The following KIAA1755 variants were observed in gnomAD, a reference collection of about 807,000 sequenced individuals.
KIAA1755 encodes KIAA1755, also known as uncharacterized protein KIAA1755.
KIAA1755 carries 68 observed loss-of-function variants against 91.7 expected under a neutral mutation model. That is an observed-to-expected ratio of 0.74 (90% CI 0.61 to 0.91). The LOEUF is 0.91. Ranked by LOEUF, KIAA1755 falls within the 40% of genes least tolerant of loss-of-function variation. The pLI is 0.00. For missense variants in KIAA1755, 1,535 were observed against 1,494.4 expected (o/e 1.03, Z -0.45); for synonymous variants, 610 against 604.6 (o/e 1.01, Z -0.13).
chr20:38,236,586 T>C (rs563903134), intron 4 of KIAA1755, among the ~76,000 whole-genome samples: 1 of 152,256 alleles, frequency 6.6e-6, no homozygotes, highest in South Asian at 2.1e-4. Flanking sequence ...GAAGATCTAA[T>C]GGCAAGTGAA....
At chr20:38,216,424 C>T (rs749333136) in intron 13 of KIAA1755, among the ~76,000 whole-genome samples, 1 of 152,184 alleles carries the variant, frequency 6.6e-6, no homozygotes, top group South Asian at 2.1e-4. Flanking sequence ...GTGGCCTGCA[C>T]GTGGGGCTGG....
intron 1 of KIAA1755, among the ~76,000 whole-genome samples, chr20:38,255,195 C>T (rs1037167641): frequency 1.3e-5 from 2 of 151,936 alleles, no homozygotes; most frequent in Non-Finnish European, 2.9e-5. Flanking sequence ...AAAAATCTGT[C>T]TCTTCCATCT....
Position 38,237,890 on chromosome 20 carries a change from G to A in KIAA1755, c.1747+1638C>T, listed in dbSNP as rs114963447. 6.4e-3 allele frequency among the ~76,000 whole-genome samples: 977 copies of A among 152,228 alleles called. 10 individuals carry two copies. The highest frequency in any genetic ancestry group is 0.023 in the African/African-American group (938 of 41,540). ...CTAGAGAAGAGCAGGACAAAAAACG[G>A]ACAGAAGGAGCACGCATGTGGACGT... On this transcript the variant is annotated intron_variant, in intron 4 of 13. Transcript: ENST00000279024.
chr20:38,260,284 A>G (rs566989236), intron 1 of KIAA1755: 737 of 1,549,296 alleles, frequency 4.8e-4, no homozygotes, highest in Non-Finnish European at 5.9e-4. Flanking sequence ...CCATACACAC[A>G]CATGGAGAAG....
intron 2 of KIAA1755, among the ~76,000 whole-genome samples, chr20:38,244,056 A>T (rs1392728726): frequency 6.6e-6 from 1 of 152,190 alleles, no homozygotes; most frequent in East Asian, 1.9e-4. Flanking sequence ...ATGACTTCCC[A>T]TTGCTCTGAG....
intron 3 of KIAA1755, 114 bp downstream of exon 3, chr20:38,240,468 C>T: frequency 9.1e-7 from 1 of 1,093,986 alleles, no homozygotes; most frequent in Non-Finnish European, 1.3e-6. Context: ...TATACTAAAC[C>T]CCTGAAGCTG....
In KIAA1755 at chr20:38,239,820, G is replaced by T. The variant is rs976044096; in HGVS notation, c.1550-95C>A. 5.3e-6 allele frequency: 6 copies of T among 1,125,478 alleles called. No individual in the cohort carries two copies. The African/African-American group carries it at 6.1e-5, about 11-fold the overall frequency. The allele number at this position is 1,125,478 out of a possible 1,614,324, so 69.7% of individuals were successfully genotyped here. ...CTCTTTCTCTTTCTGACTAATAATAGCTTACAACTATTGATCTCTCCCATG... is the reference window on the plus strand; with the variant it reads ...CTCTTTCTCTTTCTGACTAATAATATCTTACAACTATTGATCTCTCCCATG... On this transcript the variant is annotated intron_variant, in intron 3 of 13. Transcript: ENST00000279024.
At chr20:38,258,670 A>C (rs2076381546) in intron 1 of KIAA1755, among the ~76,000 whole-genome samples, 1 of 152,158 alleles carries the variant, frequency 6.6e-6, no homozygotes, top group South Asian at 2.1e-4. Flanking sequence ...TCCAAGCAGG[A>C]ACAGCATGTG....
chr20:38,217,367 G>A lies in KIAA1755; in HGVS notation c.2787C>T (p.Ala929=), dbSNP rs775298321. The A allele has an allele frequency of 2.5e-6, 4 of 1,613,420 alleles. No homozygotes were observed. The East Asian group carries it at 8.9e-5, about 36-fold the overall frequency. Reference sequence around the variant, plus strand: ...GGAAGGCCCGCTGGGTAGAGGCAAAGGCTGCCAGCTCTGGGAACTCTGCAC... The same window carrying A: ...GGAAGGCCCGCTGGGTAGAGGCAAAAGCTGCCAGCTCTGGGAACTCTGCAC... ...AERAEFPELA[A]FASTQRAFQA... The change falls in exon 13 of 14, where the codon GCC becomes GCT. Residue 929 remains alanine (A), a synonymous_variant. Coordinates refer to ENST00000279024, the MANE Select transcript of KIAA1755 (RefSeq NM_001029864.2).
Position 38,222,581 on chromosome 20 carries a change from A to G in KIAA1755, c.2285T>C (p.Leu762Pro). The G allele has an allele frequency of 6.2e-7, 1 of 1,612,700 alleles. No individual in the cohort carries two copies. Among genetic ancestry groups the G allele is most frequent in the Non-Finnish European group, 8.5e-7 (1 of 1,179,974 alleles). ...PGGMQEATRC[L>P]SKSKELMEAV... ...CTCCATCAGCTCCTTGGACTTGCTCAGGCACCTGGTAGCCTCCTGCCAGCG... is the reference window on the plus strand; with the variant it reads ...CTCCATCAGCTCCTTGGACTTGCTCGGGCACCTGGTAGCCTCCTGCCAGCG... The change falls in exon 10 of 14, where the codon CTG becomes CCG. Residue 762 changes from leucine (L) to proline (P), a missense_variant. Coordinates refer to ENST00000279024, the MANE Select transcript of KIAA1755 (RefSeq NM_001029864.2).
rs759702717 is a variant in KIAA1755, at chr20:38,213,448, G to C, written c.3197C>G (p.Ala1066Gly). The change falls in exon 14 of 14, where the codon GCG (alanine) becomes GGG (glycine). Residue 1066 changes from alanine (A) to glycine (G), a missense_variant. Transcript: ENST00000279024. ...TGCCACCCCTCTTCGTTCTGGGCGC[G>C]CTGAGTGAGCAGCTGGAGCCTCTGG... is the stretch of plus-strand genomic sequence containing the variant. ...SCPEAPAAHS[A>G]RPERRGVAAK... 1.2e-6 allele frequency: 2 copies of C among 1,602,800 alleles called. No homozygotes were observed. Among genetic ancestry groups the C allele is most frequent in the Non-Finnish European group, 1.7e-6 (2 of 1,174,648 alleles).
intron 1 of KIAA1755, among the ~76,000 whole-genome samples, chr20:38,252,891 G>C (rs543221196): frequency 5.6e-4 from 86 of 152,292 alleles, no homozygotes; most frequent in Non-Finnish European, 5.7e-4. Context: ...ACTGTGGTGG[G>C]TGTGGGGGTG....
At chr20:38,218,938 C>T (rs897276822) in intron 11 of KIAA1755, among the ~76,000 whole-genome samples, 3 of 152,170 alleles carry the variant, frequency 2.0e-5, no homozygotes, top group Non-Finnish European at 2.9e-5. Context: ...TGGCTCTCAA[C>T]CCCGAGTGGA....
chr20:38,245,423 T>C (rs544356744), intron 2 of KIAA1755, among the ~76,000 whole-genome samples: 5 of 152,342 alleles, frequency 3.3e-5, no homozygotes, highest in Admixed American at 2.0e-4. Context: ...ATTCTGTCAT[T>C]TGCAGCCAAT....
At chr20:38,234,393 G>C (rs1424930384) in intron 4 of KIAA1755, among the ~76,000 whole-genome samples, 2 of 152,158 alleles carry the variant, frequency 1.3e-5, no homozygotes, top group Non-Finnish European at 2.9e-5. Flanking sequence ...AGCAAATGTA[G>C]GCCTCTGTGA....
At chr20:38,250,797 G>A (rs561802631) in intron 1 of KIAA1755, among the ~76,000 whole-genome samples, 3 of 151,794 alleles carry the variant, frequency 2.0e-5, no homozygotes, top group Middle Eastern at 6.8e-3. Flanking sequence ...ATATGCAAAT[G>A]CAGGGCGCCA....
Position 38,241,404 on chromosome 20 carries a change from T to C in KIAA1755, c.727A>G (p.Ser243Gly). Residue 243 changes from serine (S) to glycine (G), a missense_variant, in exon 3 of 14, where the codon AGC (serine) becomes GGC (glycine). Physicochemically the swap from Ser to Gly is moderately conservative, Grantham distance 56. Transcript: ENST00000279024. ...ACCTTGATGAGTCCTGGATACTTGC[T>C]CCCATATGTCCTGCCCTTACCCTTG... ...LAKGKGRTYG[S>G]KYPGLIKVEQ... The C allele has an allele frequency of 6.2e-7, 1 of 1,614,212 alleles. No homozygotes were observed. The highest frequency in any genetic ancestry group is 1.1e-5 in the South Asian group (1 of 91,084).
intron 5 of KIAA1755, among the ~76,000 whole-genome samples, chr20:38,230,627 G>A (rs564253096): frequency 6.6e-5 from 10 of 152,286 alleles, no homozygotes; most frequent in Admixed American, 3.9e-4. Context: ...GGTGGCTCAC[G>A]CCTGTAATCT....
At chr20:38,260,105 C>A in intron 1 of KIAA1755, 2 of 980,392 alleles carry the variant, frequency 2.0e-6, no homozygotes, top group Non-Finnish European at 2.7e-6. Context: ...ACCCCCACCA[C>A]CACTCTTCCC....
Sources: allele counts gnomAD v4.1 joint callset (sites outside exome capture counted in the v4.1 genomes callset), GRCh38; gene constraint gnomAD v4.1.1; transcripts MANE v1.5; gene names NCBI Gene and HGNC (gene_info 2026-07-23, HGNC 2026-07-21).